The following MARCHF3 variants were observed in gnomAD, a reference collection of about 807,000 sequenced individuals.
MARCHF3 encodes membrane associated ring-CH-type finger 3, also known as E3 ubiquitin-protein ligase MARCHF3.
In MARCHF3, 13 loss-of-function variants were observed where a neutral mutation model predicts 24.2. The ratio of observed to expected loss-of-function variants is 0.54; its 90% CI spans 0.35 to 0.85. The LOEUF (loss-of-function observed/expected upper bound fraction) is 0.85. Ranked by LOEUF, MARCHF3 falls within the 40% of genes least tolerant of loss-of-function variation. The pLI, the probability that MARCHF3 is intolerant of heterozygous loss-of-function variation, is 0.01. For missense variants in MARCHF3, 276 were observed against 325.0 expected, an observed-to-expected ratio of 0.85 and a Z score of 1.16; for synonymous variants, 144 against 137.3, an observed-to-expected ratio of 1.05 and a Z score of -0.34.
chr5:126,902,249 T>A (rs551513914), intron 3 of MARCHF3, among the ~76,000 whole-genome samples: 1 of 152,276 alleles, frequency 6.6e-6, no homozygotes, highest in East Asian at 1.9e-4. Flanking sequence ...GTTTGTTAAT[T>A]CTGGGTAGTG....
At chr5:126,910,733 G>A (rs949231242) in intron 3 of MARCHF3, among the ~76,000 whole-genome samples, 2 of 152,186 alleles carry the variant, frequency 1.3e-5, no homozygotes, top group Admixed American at 1.3e-4. Flanking sequence ...TGTAGAGCAT[G>A]TGTTTTTGAA....
intron 1 of MARCHF3, among the ~76,000 whole-genome samples, chr5:126,964,918 G>C (rs1395557089): frequency 2.0e-5 from 3 of 151,752 alleles, no homozygotes; most frequent in Non-Finnish European, 4.4e-5. Context: ...CAGCCCTGTA[G>C]GTAGGGAGGA....
chr5:126,921,428 C>A (rs1288940176), intron 1 of MARCHF3, among the ~76,000 whole-genome samples: 1 of 152,108 alleles, frequency 6.6e-6, no homozygotes. Context: ...CAGGAGCGGA[C>A]CTCACAAGCT....
intron 4 of MARCHF3, 74 bp downstream of exon 4, chr5:126,878,111 A>G: frequency 6.9e-7 from 1 of 1,453,436 alleles, no homozygotes; most frequent in East Asian, 2.3e-5. Flanking sequence ...GTTACAGACA[A>G]GAGGAAAGGC....
intron 1 of MARCHF3, among the ~76,000 whole-genome samples, chr5:126,937,884 A>G (rs532837376): frequency 5.3e-5 from 8 of 152,298 alleles, no homozygotes; most frequent in Admixed American, 2.0e-4. Context: ...ATATTCCACA[A>G]AAAAACTCCT....
chr5:126,906,048 G>A (rs1754281109), intron 3 of MARCHF3, among the ~76,000 whole-genome samples: 2 of 151,200 alleles, frequency 1.3e-5, no homozygotes, highest in African/African-American at 4.9e-5. Flanking sequence ...TTTGTCAAAG[G>A]CCTTTTCTGC....
intron 3 of MARCHF3, among the ~76,000 whole-genome samples, chr5:126,889,524 C>T (rs546723769): frequency 1.6e-4 from 25 of 152,054 alleles, no homozygotes; most frequent in South Asian, 8.3e-4. Context: ...ATACAATGCA[C>T]ACGGAAAACA....
intron 3 of MARCHF3, among the ~76,000 whole-genome samples, chr5:126,890,542 G>C: frequency 6.7e-6 from 1 of 150,266 alleles, no homozygotes; most frequent in Non-Finnish European, 1.5e-5. Context: ...GCAGTGTTTG[G>C]TTTTTTGTTC....
chr5:126,870,444 T>G lies in MARCHF3; in HGVS notation c.*189A>C. The G allele has an allele frequency of 1.9e-6, 1 of 516,934 alleles. No individual in the cohort carries two copies. Among genetic ancestry groups the G allele is most frequent in the East Asian group, 3.0e-5 (1 of 33,806 alleles). The allele number at this position is 516,934 out of a possible 1,614,324, so 32.0% of individuals were successfully genotyped here. On this transcript the variant is annotated 3_prime_UTR_variant, in exon 5 of 5. Coordinates refer to ENST00000308660, the MANE Select transcript of MARCHF3 (RefSeq NM_178450.5). Reference sequence around the variant, plus strand: ...TATCATATGATTGCAGCATCCATCATTTGAAGTAAAACAGCATTTGCTTTC... The same window carrying G: ...TATCATATGATTGCAGCATCCATCAGTTGAAGTAAAACAGCATTTGCTTTC...
At chr5:126,886,656 C>T (rs1753519686) in intron 3 of MARCHF3, among the ~76,000 whole-genome samples, 2 of 152,162 alleles carry the variant, frequency 1.3e-5, no homozygotes, top group Admixed American at 1.3e-4. Context: ...CTTTTCTGGG[C>T]TTCAGGCTTG....
At chr5:126,890,876 A>G (rs1224977727) in intron 3 of MARCHF3, among the ~76,000 whole-genome samples, 5 of 148,042 alleles carry the variant, frequency 3.4e-5, no homozygotes, top group Non-Finnish European at 3.0e-5. Context: ...GACTTCCACA[A>G]TGGTTGAACT....
At chr5:126,973,570 G>C (rs1751091619) in intron 1 of MARCHF3, among the ~76,000 whole-genome samples, 1 of 152,236 alleles carries the variant, frequency 6.6e-6, no homozygotes, top group Admixed American at 6.5e-5. Context: ...CAGAAGTGCA[G>C]AGGGTGGCAG....
intron 1 of MARCHF3, chr5:127,030,112 C>T (rs1272691024): frequency 1.3e-5 from 2 of 152,166 alleles, no homozygotes; most frequent in African/African-American, 2.4e-5. Flanking sequence ...CTACCCATGT[C>T]AATTACGCCA....
chr5:126,905,853 T>A (rs1387366172), intron 3 of MARCHF3, among the ~76,000 whole-genome samples: 1 of 152,138 alleles, frequency 6.6e-6, no homozygotes, highest in Non-Finnish European at 1.5e-5. Flanking sequence ...CAACACTATG[T>A]TGAATAGAAG....
chr5:126,934,682 T>TGAAGGAAGAAAG (rs768562729), intron 1 of MARCHF3, among the ~76,000 whole-genome samples: 1 of 145,536 alleles, frequency 6.9e-6, no homozygotes, highest in Admixed American at 6.8e-5. Context: ...GAAGAAAGAA[T>TGAAGGAAGAAAG]GAAGGAAGAA....
At chr5:127,020,934 G>A (rs539803325) in intron 1 of MARCHF3, among the ~76,000 whole-genome samples, 34 of 152,180 alleles carry the variant, frequency 2.2e-4, no homozygotes, top group African/African-American at 4.8e-4. Flanking sequence ...TTTCTGCCAC[G>A]TGAAGTTATG....
chr5:126,953,716 T>G (rs1017582839), intron 1 of MARCHF3, among the ~76,000 whole-genome samples: 1 of 152,124 alleles, frequency 6.6e-6, no homozygotes, highest in African/African-American at 2.4e-5. Context: ...TCATAAGGAG[T>G]TGCCTTTTAA....
At chr5:126,967,072 T>A (rs1464259627) in intron 1 of MARCHF3, among the ~76,000 whole-genome samples, 1 of 151,562 alleles carries the variant, frequency 6.6e-6, no homozygotes, top group Non-Finnish European at 1.5e-5. Context: ...CCCATCACCC[T>A]AGGAGTATAC....
At chr5:126,947,178 T>C (rs1230115998) in intron 1 of MARCHF3, among the ~76,000 whole-genome samples, 2 of 152,164 alleles carry the variant, frequency 1.3e-5, no homozygotes, top group African/African-American at 4.8e-5. Flanking sequence ...AAAGGGCTCA[T>C]TCCCCCGCAT....
Sources: gnomAD v4.1 joint callset for allele counts (sites outside exome capture counted in the v4.1 genomes callset) on GRCh38, gnomAD v4.1.1 for gene constraint, MANE v1.5 for transcripts, NCBI Gene and HGNC (gene_info 2026-07-23, HGNC 2026-07-21) for gene names.